The following HGF variants were observed in gnomAD, a reference collection of about 807,000 sequenced individuals.
The protein encoded by HGF is hepatocyte growth factor, also known as fibroblast-derived tumor cytotoxic factor.
A neutral mutation model predicts 111.6 loss-of-function variants in HGF; 39 were observed. The observed-to-expected ratio is 0.35, with a 90% confidence interval of 0.27 to 0.46. The LOEUF (loss-of-function observed/expected upper bound fraction) is 0.46, where lower values mean the gene tolerates loss of function less well. Ranked by LOEUF, HGF falls within the 20% of genes least tolerant of loss-of-function variation. The pLI is 1.00. For missense variants in HGF, 735 were observed against 910.5 expected (o/e 0.81, Z 2.48); for synonymous variants, 285 against 294.8 (o/e 0.97, Z 0.34).
At chr7:81,742,909 C>G (rs1788065647) in intron 7 of HGF, 2 of 1,612,846 alleles carry the variant, frequency 1.2e-6, no homozygotes, top group Admixed American at 3.3e-5. Flanking sequence ...TGTCACTCAC[C>G]AGAAGAAGTT....
chr7:81,703,751 A>G (rs1338195506), intron 17 of HGF, among the ~76,000 whole-genome samples: 3 of 151,636 alleles, frequency 2.0e-5, no homozygotes, highest in African/African-American at 4.8e-5. Context: ...TTCCCTAAAC[A>G]GCGATGGGGG....
intron 11 of HGF, among the ~76,000 whole-genome samples, chr7:81,715,394 G>T (rs1000900871): frequency 2.0e-5 from 3 of 151,992 alleles, no homozygotes; most frequent in African/African-American, 7.2e-5. Context: ...GAAAAAGTAG[G>T]TGTGTTTCTT....
intron 9 of HGF, 43 bp from the exon 10 acceptor site, chr7:81,720,890 G>A (rs1334497671): frequency 9.5e-7 from 1 of 1,048,286 alleles, no homozygotes; most frequent in Non-Finnish European, 1.5e-6. Flanking sequence ...GAATATCAAG[G>A]CAGATAAAAC....
At chr7:81,717,086 T>C in intron 11 of HGF, 146 bp downstream of exon 11, 2 of 730,040 alleles carry the variant, frequency 2.7e-6, no homozygotes, top group Non-Finnish European at 2.4e-6. Flanking sequence ...TCTGTGTGTG[T>C]GTTGTGTACA....
At chr7:81,761,750 C>T (rs1415817527) in intron 2 of HGF, among the ~76,000 whole-genome samples, 1 of 139,260 alleles carries the variant, frequency 7.2e-6, no homozygotes, top group African/African-American at 2.7e-5. Context: ...CAGTTCCCAA[C>T]CTTTTTGGCA....
chr7:81,753,893 T>C (rs2116140881), intron 4 of HGF, among the ~76,000 whole-genome samples: 1 of 152,124 alleles, frequency 6.6e-6, no homozygotes. Flanking sequence ...CAGTAAACTT[T>C]TTTAAAAAGT....
At chr7:81,719,021 T>C (rs932109294) in intron 10 of HGF, among the ~76,000 whole-genome samples, 1 of 152,224 alleles carries the variant, frequency 6.6e-6, no homozygotes. Flanking sequence ...TAACTGAGCT[T>C]ACAAGACTCT....
chr7:81,714,936 A>G (rs1190209550), intron 11 of HGF, among the ~76,000 whole-genome samples: 2 of 152,162 alleles, frequency 1.3e-5, no homozygotes, highest in Non-Finnish European at 2.9e-5. Flanking sequence ...ACATTGAAAT[A>G]AAATGATTTA....
intron 11 of HGF, among the ~76,000 whole-genome samples, chr7:81,713,893 T>C (rs1472116281): frequency 6.6e-6 from 1 of 152,068 alleles, no homozygotes; most frequent in Non-Finnish European, 1.5e-5. Flanking sequence ...ATATATGTGA[T>C]ACAATACTTA....
At chr7:81,749,031 A>G (rs546934229) in intron 5 of HGF, among the ~76,000 whole-genome samples, 1 of 152,288 alleles carries the variant, frequency 6.6e-6, no homozygotes, top group African/African-American at 2.4e-5. Flanking sequence ...CATACAGGTG[A>G]TTACTTCAAC....
chr7:81,699,220 A>G lies in HGF; in HGVS notation c.*3361T>C, dbSNP rs1184962380. ...ATAGCATCCACAGTATTTCATTTTC[A>G]GTTTCCTAAAGACAGAAACTTTCTG... On this transcript the variant is annotated 3_prime_UTR_variant, in exon 18 of 18. Transcript: ENST00000222390. 1 of 151,558 alleles carries G rather than the reference A, an allele frequency of 6.6e-6. No homozygotes were observed. The highest frequency in any genetic ancestry group is 1.5e-5 in the Non-Finnish European group (1 of 67,658). The allele number at this position is 151,558 out of a possible 1,614,324, so 9.4% of individuals were successfully genotyped here.
intron 4 of HGF, chr7:81,755,720 A>C: frequency 7.6e-6 from 3 of 393,510 alleles, no homozygotes; most frequent in Non-Finnish European, 1.4e-5. Context: ...ACACCATGCA[A>C]ACTCTCAAAA....
At chr7:81,769,852 T>C (rs1412799645) in intron 1 of HGF, 32 bp downstream of exon 1, 13 of 1,459,468 alleles carry the variant, frequency 8.9e-6, no homozygotes, top group Middle Eastern at 1.7e-4. Flanking sequence ...TAAATACTAA[T>C]ACTAATAATG....
Position 81,729,651 on chromosome 7 carries a change from G to C in HGF, c.994C>G (p.Gln332Glu). 29 of 1,613,748 alleles carry C rather than the reference G, an allele frequency of 1.8e-5. No individual in the cohort carries two copies. The highest frequency in any genetic ancestry group is 2.5e-5 in the Non-Finnish European group (29 of 1,179,682). The change falls in exon 8 of 18, where the codon CAG becomes GAG. Residue 332 changes from glutamine (Q) to glutamate (E), a missense_variant. Gln to Glu is a conservative substitution (Grantham distance 29). This residue lies in a region of HGF where 553 missense variants were observed against 685.6 expected (regional missense o/e 0.81). Transcript: ENST00000222390. ...NGIPCQRWDS[Q>E]YPHEHDMTPE... ...GTCATGTCATGCTCGTGAGGATACT[G>C]AGAATCCCAACGCTGACATGGAATT...
At chr7:81,730,201 C>T (rs987462589) in intron 7 of HGF, among the ~76,000 whole-genome samples, 7 of 152,244 alleles carry the variant, frequency 4.6e-5, no homozygotes, top group Middle Eastern at 3.4e-3. Flanking sequence ...GTAATCCCAG[C>T]ACTTTGGGAA....
At chr7:81,707,403 CAGAA>C (rs1789456422) in intron 13 of HGF, 39 bp from the exon 14 acceptor site, 1 of 1,223,860 alleles carries the variant, frequency 8.2e-7, no homozygotes, top group Non-Finnish European at 1.2e-6. Flanking sequence ...AACATCTGTG[CAGAA>C]AGAGTGACTG....
rs778372935 is a variant in HGF at position 81,725,907 on chromosome 7, T to C, written c.1151A>G (p.Asp384Gly). The change falls in exon 9 of 18, where the codon GAT becomes GGT. Residue 384 changes from aspartate (D) to glycine (G), a missense_variant. Transcript: ENST00000222390. ...GCTATTACCTTGTCCATGTGACATA[T>C]CACAGTTTGGAATTTGGGAGCAGTA... ...VGYCSQIPNC[D>G]MSHGQDCYRG... 6.8e-6 allele frequency: 11 copies of C among 1,614,120 alleles called. No individual in the cohort carries two copies. The highest frequency in any genetic ancestry group is 2.2e-5 in the East Asian group (1 of 44,870).
chr7:81,710,652 T>C (rs1419262424), intron 12 of HGF, among the ~76,000 whole-genome samples: 1 of 152,206 alleles, frequency 6.6e-6, no homozygotes, highest in Non-Finnish European at 1.5e-5. Flanking sequence ...AACCAAGCTT[T>C]ACTTGGATAT....
Position 81,711,487 on chromosome 7 carries a change from A to T in HGF, c.1438T>A (p.Leu480Ile). Reference sequence around the variant, plus strand: ...ATTGTGAAATATTACTTACGGTCTAAATTGACTATTGTAGGTGTGGTATCA... The same window carrying T: ...ATTGTGAAATATTACTTACGGTCTATATTGACTATTGTAGGTGTGGTATCA... ...EGDTTPTIVN[L>I]DHPVISCAKT... is the part of the protein sequence containing the mutation. Residue 480 changes from leucine to isoleucine, a missense_variant, in exon 12 of 18, where the codon TTA becomes ATA. By Grantham distance (5) the Leu-to-Ile change is conservative. Around this residue, in one of 3 missense-constraint regions of HGF, gnomAD observed 553 missense variants for 685.6 expected, o/e 0.81. Transcript: ENST00000222390. The T allele has an allele frequency of 6.8e-7, 1 of 1,464,996 alleles. No individual in the cohort carries two copies. The highest frequency in any genetic ancestry group is 9.5e-7 in the Non-Finnish European group (1 of 1,054,914). 90.7% of individuals were successfully genotyped at this position (1,464,996 alleles called of 1,614,324 possible). A position where few individuals can be genotyped will look rare whatever the true frequency, so the allele number is the denominator to read the frequency against.
Sources: gnomAD v4.1 joint callset for allele counts (sites outside exome capture counted in the v4.1 genomes callset) on GRCh38, gnomAD v4.1.1 for gene constraint, gnomAD v4.1.1 regional missense constraint, MANE v1.5 for transcripts, NCBI Gene and HGNC (gene_info 2026-07-23, HGNC 2026-07-21) for gene names.